Variants in SGCD observed in about 807,000 individuals in gnomAD.
The protein encoded by SGCD is delta-sarcoglycan.
Under a neutral mutation model 36.6 loss-of-function variants are expected in SGCD, and 18 were observed. The ratio of observed to expected loss-of-function variants is 0.49; its 90% confidence interval spans 0.34 to 0.73. The LOEUF (loss-of-function observed/expected upper bound fraction) is 0.73. Ranked by LOEUF, SGCD falls within the 30% of genes least tolerant of loss-of-function variation. The pLI is 0.01. For synonymous variants in SGCD, 133 were observed against 130.6 expected (o/e 1.02, Z -0.12); for missense variants, 387 against 346.7 (o/e 1.12, Z -0.92).
chr5:156,665,157 C>T (rs959259365), intron 7 of SGCD, among the ~76,000 whole-genome samples: 31 of 152,152 alleles, frequency 2.0e-4, no homozygotes, highest in African/African-American at 2.9e-4. Flanking sequence ...AGGCTACTGG[C>T]GGTTGGGTCT....
At chr5:156,492,422 G>A (rs563665056) in intron 3 of SGCD, among the ~76,000 whole-genome samples, 11 of 152,158 alleles carry the variant, frequency 7.2e-5, no homozygotes, top group African/African-American at 2.2e-4. Flanking sequence ...AAGTCCAAAT[G>A]CCTAAGACCC....
At chr5:156,491,353 G>T (rs908743262) in intron 3 of SGCD, among the ~76,000 whole-genome samples, 4 of 152,020 alleles carry the variant, frequency 2.6e-5, no homozygotes, top group African/African-American at 9.7e-5. Context: ...CTCAACATTT[G>T]TGTGTAACCA....
chr5:156,545,468 G>A (rs998254019), intron 4 of SGCD, among the ~76,000 whole-genome samples: 11 of 151,938 alleles, frequency 7.2e-5, no homozygotes, highest in Non-Finnish European at 1.5e-4. Flanking sequence ...TTTCATGGAC[G>A]GGAGTCGGGG....
chr5:156,072,064 T>C lies in SGCD; in HGVS notation c.-281-45814T>C, dbSNP rs554257711. Among the ~76,000 whole-genome samples, 320 of 152,334 alleles carry C rather than the reference T, an allele frequency of 2.1e-3. 3 individuals are homozygous for C. The highest frequency in any genetic ancestry group is 0.02 in the Middle Eastern group (6 of 294). On this transcript the variant is annotated intron_variant, in intron 1 of 9. Transcript: ENST00000517913. Reference sequence around the variant, plus strand: ...GGGTTTCCTCAATACAGCACACTGATGGGTCTTGACTCTTTATCCAATTTG... The same window carrying C: ...GGGTTTCCTCAATACAGCACACTGACGGGTCTTGACTCTTTATCCAATTTG...
intron 3 of SGCD, among the ~76,000 whole-genome samples, chr5:156,184,454 T>A (rs747393536): frequency 3.3e-5 from 5 of 151,898 alleles, no homozygotes; most frequent in Non-Finnish European, 5.9e-5. Context: ...TAAAATATTT[T>A]AAAAAATAAT....
intron 3 of SGCD, among the ~76,000 whole-genome samples, chr5:156,167,648 T>C (rs1763245383): frequency 6.6e-6 from 1 of 152,166 alleles, no homozygotes; most frequent in Non-Finnish European, 1.5e-5. Flanking sequence ...TTTTTCTGTC[T>C]CTCTGTTGCT....
chr5:155,906,565 A>G (rs1050991336), intron 1 of SGCD, among the ~76,000 whole-genome samples: 1 of 152,198 alleles, frequency 6.6e-6, no homozygotes, highest in Non-Finnish European at 1.5e-5. Flanking sequence ...CCTATTGCTG[A>G]TAGGGAGAAA....
At chr5:156,104,607 TG>T (rs1261478805) in intron 1 of SGCD, among the ~76,000 whole-genome samples, 1 of 152,206 alleles carries the variant, frequency 6.6e-6, no homozygotes, top group African/African-American at 2.4e-5. Context: ...AATATCCAAA[TG>T]GGGCTGTGAA....
At chr5:156,712,704 G>A (rs1755045689) in intron 7 of SGCD, among the ~76,000 whole-genome samples, 1 of 152,112 alleles carries the variant, frequency 6.6e-6, no homozygotes, top group Non-Finnish European at 1.5e-5. Flanking sequence ...GCAAACCCAG[G>A]TCTTTGTGGT....
chr5:156,100,564 A>G (rs1761496408), intron 1 of SGCD, among the ~76,000 whole-genome samples: 1 of 152,188 alleles, frequency 6.6e-6, no homozygotes, highest in Non-Finnish European at 1.5e-5. Flanking sequence ...AATGATTATC[A>G]TTGCAATGTC....
At chr5:155,832,693 T>C in the SGCD span, among the ~76,000 whole-genome samples, 5 of 151,606 alleles carry the variant, frequency 3.3e-5, no homozygotes, top group African/African-American at 1.2e-4. Context: ...ATTGAAGATA[T>C]AATAGACATG....
At chr5:156,573,592 C>T (rs1759807759) in intron 4 of SGCD, among the ~76,000 whole-genome samples, 2 of 152,140 alleles carry the variant, frequency 1.3e-5, no homozygotes, top group African/African-American at 4.8e-5. Context: ...ACTATGGAAC[C>T]GTCAGACACC....
intron 3 of SGCD, among the ~76,000 whole-genome samples, chr5:156,476,687 A>T (rs1343119653): frequency 6.6e-6 from 1 of 152,226 alleles, no homozygotes; most frequent in Non-Finnish European, 1.5e-5. Context: ...AACACAGTGA[A>T]TGGTAAATCC....
At position 156,563,698 on chromosome 5, in the gene SGCD, G is replaced by T. The variant is rs183140244; in HGVS notation, c.295-25533G>T. Among the ~76,000 whole-genome samples, 24 of 152,188 alleles carry T rather than the reference G, an allele frequency of 1.6e-4. 1 individual carries two copies. The highest frequency in any genetic ancestry group is 9.6e-5 in the African/African-American group (4 of 41,516). ...CTTAACGGAAGCTGTTTCCCCTTTG[G>T]GGGGATCAGTTGGTCAGTTCTGATC... On this transcript the variant is annotated intron_variant, in intron 4 of 8. Transcript: ENST00000337851.
intron 4 of SGCD, among the ~76,000 whole-genome samples, chr5:156,517,581 G>A (rs1174759030): frequency 6.6e-6 from 1 of 151,896 alleles, no homozygotes; most frequent in Non-Finnish European, 1.5e-5. Flanking sequence ...AAATGTTTAG[G>A]GCAACCTGAA....
intron 3 of SGCD, among the ~76,000 whole-genome samples, chr5:156,476,367 C>T (rs548934182): frequency 2.6e-4 from 40 of 151,702 alleles, no homozygotes; most frequent in Non-Finnish European, 5.0e-4. Context: ...TGAGAGCGGC[C>T]GAAGTGGAAG....
chr5:156,052,183 C>T (rs1246642473), intron 1 of SGCD, among the ~76,000 whole-genome samples: 1 of 146,200 alleles, frequency 6.8e-6, no homozygotes, highest in Non-Finnish European at 1.5e-5. Context: ...CCCTCTGCTG[C>T]AAATGTCGTG....
At chr5:155,833,237 G>T in the SGCD span, among the ~76,000 whole-genome samples, 1 of 151,204 alleles carries the variant, frequency 6.6e-6, no homozygotes, top group Non-Finnish European at 1.5e-5. Context: ...AAAAAAAAAA[G>T]TCAGAAGGTA....
At chr5:156,178,017 T>A (rs921512074) in intron 3 of SGCD, among the ~76,000 whole-genome samples, 4 of 152,242 alleles carry the variant, frequency 2.6e-5, no homozygotes, top group African/African-American at 9.6e-5. Context: ...CTAATCTATA[T>A]CTTAAGTGTG....
Sources: allele counts gnomAD v4.1 joint callset (sites outside exome capture counted in the v4.1 genomes callset), GRCh38; gene constraint gnomAD v4.1.1; transcripts MANE v1.5; gene names NCBI Gene and HGNC (gene_info 2026-07-23, HGNC 2026-07-21).